MAP2: variants seen among roughly 807,000 people sequenced by gnomAD.
MAP2 encodes the protein microtubule-associated protein 2.
Under a neutral mutation model 137.6 loss-of-function variants are expected in MAP2, and 14 were observed. That is an observed-to-expected ratio of 0.10 (90% CI 0.07 to 0.16). The LOEUF is 0.16. Ranked by LOEUF, MAP2 falls within the 10% of genes least tolerant of loss-of-function variation. The pLI is 1.00. For missense variants in MAP2, 2,088 were observed against 2,191.5 expected, an observed-to-expected ratio of 0.95 and a Z score of 0.94; for synonymous variants, 786 against 782.3, an observed-to-expected ratio of 1.00 and a Z score of -0.08.
chr2:209,720,314 C>T (rs1160484404), intron 13 of MAP2, among the ~76,000 whole-genome samples: 2 of 152,122 alleles, frequency 1.3e-5, no homozygotes, highest in Non-Finnish European at 2.9e-5. Flanking sequence ...TCAAATTACA[C>T]TACTTTGTAT....
intron 7 of MAP2, among the ~76,000 whole-genome samples, chr2:209,691,395 C>G (rs2058856524): frequency 6.6e-6 from 1 of 152,144 alleles, no homozygotes; most frequent in Admixed American, 6.5e-5. Context: ...CCATGGCAGC[C>G]AGCCCTTCTG....
intron 3 of MAP2, among the ~76,000 whole-genome samples, chr2:209,591,519 AG>A (rs1227099499): frequency 6.6e-6 from 1 of 152,222 alleles, no homozygotes; most frequent in Non-Finnish European, 1.5e-5. Flanking sequence ...ATCATAGAAT[AG>A]GTATATATTT....
intron 4 of MAP2, among the ~76,000 whole-genome samples, chr2:209,639,398 TTTAA>T (rs1414345718): frequency 1.3e-5 from 2 of 152,128 alleles, no homozygotes; most frequent in African/African-American, 2.4e-5. Context: ...TAGGTTTTGT[TTTAA>T]TTAATTAATT....
intron 3 of MAP2, among the ~76,000 whole-genome samples, chr2:209,613,251 TTTTATTTA>T (rs140601805): frequency 1.4e-3 from 217 of 150,582 alleles, no homozygotes; most frequent in African/African-American, 2.9e-3. Flanking sequence ...TTATTTCTAT[TTTTATTTA>T]TTTATTTATT....
chr2:209,630,932 A>G (rs2092938439), intron 4 of MAP2, among the ~76,000 whole-genome samples: 2 of 145,048 alleles, frequency 1.4e-5, no homozygotes, highest in South Asian at 2.3e-4. Context: ...TAAGCCCTTA[A>G]AAGTCTTATT....
intron 4 of MAP2, among the ~76,000 whole-genome samples, chr2:209,650,445 A>G (rs1036816669): frequency 6.6e-6 from 1 of 152,124 alleles, no homozygotes; most frequent in African/African-American, 2.4e-5. Flanking sequence ...CCTCCCCAAA[A>G]CACATAACTT....
chr2:209,459,269 A>G (rs961515330), intron 1 of MAP2, among the ~76,000 whole-genome samples: 3 of 152,164 alleles, frequency 2.0e-5, no homozygotes, highest in East Asian at 3.9e-4. Flanking sequence ...AATGCCATTC[A>G]TATAGTTTTG....
At chr2:209,591,973 G>C (rs1277720678) in intron 3 of MAP2, among the ~76,000 whole-genome samples, 2 of 152,058 alleles carry the variant, frequency 1.3e-5, no homozygotes, top group African/African-American at 4.8e-5. Context: ...ATATTTCCCT[G>C]TTGAATCAAA....
chr2:209,455,740 G>C (rs900962506), intron 1 of MAP2, among the ~76,000 whole-genome samples: 1 of 152,070 alleles, frequency 6.6e-6, no homozygotes, highest in South Asian at 2.1e-4. Context: ...TTGTAATCCT[G>C]GTCCTGAGGA....
intron 3 of MAP2, among the ~76,000 whole-genome samples, chr2:209,619,236 A>G (rs2090435020): frequency 6.6e-6 from 1 of 152,150 alleles, no homozygotes; most frequent in South Asian, 2.1e-4. Flanking sequence ...AGTTAATAAC[A>G]ATATATTGTA....
At chr2:209,682,114 C>T (rs1383601940) in intron 7 of MAP2, among the ~76,000 whole-genome samples, 1 of 152,004 alleles carries the variant, frequency 6.6e-6, no homozygotes, top group Admixed American at 6.6e-5. Context: ...TATGTTTATC[C>T]ATTCACTGGG....
At chr2:209,586,623 G>A (rs2077795757) in intron 3 of MAP2, among the ~76,000 whole-genome samples, 1 of 152,112 alleles carries the variant, frequency 6.6e-6, no homozygotes, top group Admixed American at 6.6e-5. Flanking sequence ...TTATAAAAGG[G>A]TAAGAGTAGA....
At chr2:209,482,563 A>G (rs1160706918) in intron 1 of MAP2, among the ~76,000 whole-genome samples, 1 of 152,220 alleles carries the variant, frequency 6.6e-6, no homozygotes, top group South Asian at 2.1e-4. Flanking sequence ...TTTTGCAAAC[A>G]TATTACTGAA....
At chr2:209,458,174 A>C (rs772251312) in intron 1 of MAP2, among the ~76,000 whole-genome samples, 1 of 152,298 alleles carries the variant, frequency 6.6e-6, no homozygotes, top group South Asian at 2.1e-4. Context: ...CTATACTCCC[A>C]GAACAGGAGA....
intron 7 of MAP2, among the ~76,000 whole-genome samples, chr2:209,689,010 C>A (rs1274263780): frequency 1.3e-5 from 2 of 151,742 alleles, no homozygotes; most frequent in African/African-American, 4.8e-5. Context: ...AAATTAGGAA[C>A]AATTGTAGTG....
At chr2:209,717,125 G>T (rs2068006446) in intron 13 of MAP2, among the ~76,000 whole-genome samples, 2 of 152,132 alleles carry the variant, frequency 1.3e-5, no homozygotes, top group African/African-American at 2.4e-5. Flanking sequence ...TTCTCACATT[G>T]CTATAAAGAG....
intron 5 of MAP2, among the ~76,000 whole-genome samples, chr2:209,655,292 C>T (rs756202445): frequency 7.2e-5 from 11 of 152,100 alleles, no homozygotes; most frequent in Non-Finnish European, 1.3e-4. Flanking sequence ...TTCTGAGTGA[C>T]AAAAATTGTA....
chr2:209,617,566 C>T (rs2089903591), intron 3 of MAP2, among the ~76,000 whole-genome samples: 1 of 152,090 alleles, frequency 6.6e-6, no homozygotes, highest in Non-Finnish European at 1.5e-5. Context: ...TCAGAGAAGC[C>T]TGGCTAAAGT....
intron 5 of MAP2, among the ~76,000 whole-genome samples, chr2:209,674,614 T>TATAG (rs1244473511): frequency 9.8e-4 from 145 of 147,770 alleles, no homozygotes; most frequent in African/African-American, 3.7e-3. Context: ...CCCCTAAATA[T>TATAG]ATAGATAGAT....
Sources: allele counts gnomAD v4.1 joint callset (sites outside exome capture counted in the v4.1 genomes callset), GRCh38; gene constraint gnomAD v4.1.1; transcripts MANE v1.5; gene names NCBI Gene and HGNC (gene_info 2026-07-23, HGNC 2026-07-21).